The following CFAP54 variants were observed in gnomAD, a reference collection of about 807,000 sequenced individuals.
The protein encoded by CFAP54 is cilia and flagella associated protein 54.
CFAP54 carries 290 observed loss-of-function variants against 370.4 expected under a neutral mutation model. The ratio of observed to expected loss-of-function variants is 0.78; its 90% CI spans 0.71 to 0.86. The LOEUF is 0.86. Among genes scored for constraint, CFAP54 ranks in the 40% least tolerant of loss-of-function variants. CFAP54 has a pLI of 0.00. For synonymous variants in CFAP54, 1,206 were observed against 1,236.5 expected, an observed-to-expected ratio of 0.98 and a Z score of 0.52; for missense variants, 3,399 against 3,528.7, an observed-to-expected ratio of 0.96 and a Z score of 0.93.
intron 40 of CFAP54, 89 bp downstream of exon 40, chr12:96,679,841 TC>T: frequency 7.5e-7 from 1 of 1,334,472 alleles, no homozygotes; most frequent in Non-Finnish European, 1.0e-6. Flanking sequence ...CATTCTTCCC[TC>T]CCCGTGTACA....
chr12:96,685,384 AC>A (rs1957317148), intron 42 of CFAP54, 146 bp downstream of exon 42: 9 of 654,144 alleles, frequency 1.4e-5, no homozygotes, highest in Non-Finnish European at 2.4e-5. Context: ...CAGTTTATTT[AC>A]TTATTTGTGA....
intron 55 of CFAP54, among the ~76,000 whole-genome samples, chr12:96,751,864 T>C (rs1168690836): frequency 1.3e-5 from 2 of 152,084 alleles, no homozygotes; most frequent in African/African-American, 4.8e-5. Context: ...CATAACATAT[T>C]TAGAAGGGCA....
intron 46 of CFAP54, among the ~76,000 whole-genome samples, chr12:96,703,420 C>A (rs769696639): frequency 6.6e-5 from 10 of 152,118 alleles, no homozygotes; most frequent in Non-Finnish European, 1.2e-4. Flanking sequence ...TTGAGTAGGA[C>A]ACCATCTACA....
At chr12:96,544,364 T>C (rs12423627) in intron 14 of CFAP54, among the ~76,000 whole-genome samples, 23,996 of 151,800 alleles carry the variant, frequency 0.16, 3,010 homozygotes, top group East Asian at 0.51. Flanking sequence ...TTTGTTATAA[T>C]GTTGGGGCAC....
At chr12:96,521,718 C>T (rs1472400836) in intron 6 of CFAP54, 139 bp from the exon 7 acceptor site, 3 of 555,122 alleles carry the variant, frequency 5.4e-6, no homozygotes, top group African/African-American at 1.9e-5. Flanking sequence ...AAATGATAGA[C>T]TGGATAAAAG....
At chr12:96,723,165 T>A (rs1343336880) in intron 50 of CFAP54, among the ~76,000 whole-genome samples, 1 of 152,204 alleles carries the variant, frequency 6.6e-6, no homozygotes, top group Non-Finnish European at 1.5e-5. Flanking sequence ...TATATATGTC[T>A]ATTAAGCATC....
intron 56 of CFAP54, among the ~76,000 whole-genome samples, chr12:96,754,957 T>TGATCTC (rs1274990951): frequency 6.6e-6 from 1 of 152,166 alleles, no homozygotes. Flanking sequence ...TTGGCCAGGC[T>TGATCTC]GATCTCGAAC....
chr12:96,562,668 C>T (rs923254139), intron 17 of CFAP54, among the ~76,000 whole-genome samples: 14 of 151,770 alleles, frequency 9.2e-5, no homozygotes, highest in African/African-American at 2.4e-4. Context: ...TGACCTCAAA[C>T]GATCTGCCCA....
intron 39 of CFAP54, among the ~76,000 whole-genome samples, chr12:96,671,483 A>G (rs1957145810): frequency 6.6e-6 from 1 of 152,210 alleles, no homozygotes; most frequent in Non-Finnish European, 1.5e-5. Context: ...TCACAGATAT[A>G]ACCCAGTTGT....
At chr12:96,619,830 G>C (rs1239727359) in intron 26 of CFAP54, among the ~76,000 whole-genome samples, 1 of 152,072 alleles carries the variant, frequency 6.6e-6, no homozygotes, top group Non-Finnish European at 1.5e-5. Flanking sequence ...ACTTTCTTCT[G>C]CTCATATACA....
intron 67 of CFAP54, among the ~76,000 whole-genome samples, chr12:96,868,123 C>G (rs1466989363): frequency 6.6e-6 from 1 of 152,144 alleles, no homozygotes; most frequent in Admixed American, 6.5e-5. Context: ...TGGAACCTGT[C>G]CGTACCACTT....
At chr12:96,715,786 T>G (rs1957671236) in intron 48 of CFAP54, among the ~76,000 whole-genome samples, 1 of 152,222 alleles carries the variant, frequency 6.6e-6, no homozygotes. Flanking sequence ...TGTATTAATT[T>G]TAATGTAATT....
In CFAP54 at chr12:96,662,206, TTTG is replaced by T. The variant is rs529176565; in HGVS notation, c.5461-1612_5461-1610del. On this transcript the variant is annotated intron_variant, in intron 38 of 67. Transcript: ENST00000524981. Reference sequence around the variant, plus strand: ...CACTTTCAGCCTATAATATATTCTTTTTGTTGTTGTTGTTTTGAGATGGAGTCT... The same window carrying T: ...CACTTTCAGCCTATAATATATTCTTTTTGTTGTTGTTTTGAGATGGAGTCT... Among the ~76,000 whole-genome samples the T allele has an allele frequency of 2.9e-3, 439 of 152,230 alleles. 3 individuals carry two copies. The highest frequency in any genetic ancestry group is 8.5e-3 in the African/African-American group (353 of 41,532).
rs1398943109 is a variant in CFAP54 at position 96,576,721 on chromosome 12, C to A, written c.2756C>A (p.Ser919Tyr). The change falls in exon 20 of 68, where the codon TCT becomes TAT. Residue 919 changes from serine (S) to tyrosine (Y), a missense_variant. By Grantham distance (144) the Ser-to-Tyr change is moderately radical. This residue lies in a region of CFAP54 where 2,796 missense variants were observed against 2,869.7 expected (regional missense o/e 0.97). Transcript: ENST00000524981. ...ATCCTGCTGTCTCGAACTCATTGTTCTGTGACACTCAAACCTGCTCCATTT... is the reference window on the plus strand; with the variant it reads ...ATCCTGCTGTCTCGAACTCATTGTTATGTGACACTCAAACCTGCTCCATTT... ...PPILLSRTHC[S>Y]VTLKPAPFTS... 6.5e-7 allele frequency: 1 copy of A among 1,535,810 alleles called. No homozygotes were observed. Among genetic ancestry groups the A allele is most frequent in the African/African-American group, 1.4e-5 (1 of 73,096 alleles).
chr12:96,835,684 G>A (rs1271104179), intron 66 of CFAP54, among the ~76,000 whole-genome samples: 2 of 152,222 alleles, frequency 1.3e-5, no homozygotes, highest in Non-Finnish European at 2.9e-5. Context: ...GTTTACAGCT[G>A]CAGTTTGGGC....
In CFAP54 at chr12:96,489,835, GAGA is replaced by G; in HGVS notation, c.229_231del (p.Lys77del). On this transcript the variant is annotated inframe_deletion, in exon 1 of 68. Transcript: ENST00000524981. ...GAAAAACCCGCTCCTGGCCTCTTGT[GAGA>G]AGGAGATCCAGGAGTTGTTAGGCTT... 3.3e-6 allele frequency: 5 copies of G among 1,536,140 alleles called. No individual in the cohort carries two copies. Among genetic ancestry groups the G allele is most frequent in the African/African-American group, 1.4e-5 (1 of 73,176 alleles).
In CFAP54 at chr12:96,610,261, T is replaced by C. The variant is rs530478725; in HGVS notation, c.3640-11329T>C. ...GAAAGGTGCTGGTATAACTTGACTC[T>C]TCATCTGAAAGTAAACAAAGCCAGA... is the stretch of plus-strand genomic sequence containing the variant. On this transcript the variant is annotated intron_variant, in intron 26 of 67. Coordinates refer to ENST00000524981, the MANE Select transcript of CFAP54 (RefSeq NM_001306084.2). 4.6e-5 allele frequency among the ~76,000 whole-genome samples: 7 copies of C among 152,352 alleles called. No homozygotes were observed. In the East Asian group the frequency reaches 1.3e-3, roughly 29 times the overall value.
intron 36 of CFAP54, among the ~76,000 whole-genome samples, chr12:96,653,812 A>G (rs978657119): frequency 4.9e-5 from 7 of 143,682 alleles, no homozygotes; most frequent in Non-Finnish European, 1.1e-4. Flanking sequence ...AAAACAATAA[A>G]GTCAAAATTT....
chr12:96,680,584 T>C (rs1333201446), intron 40 of CFAP54, among the ~76,000 whole-genome samples: 4 of 152,194 alleles, frequency 2.6e-5, no homozygotes, highest in African/African-American at 9.6e-5. Flanking sequence ...TGAAATGATC[T>C]TTTAGAAATT....
Sources: gnomAD v4.1 joint callset for allele counts (sites outside exome capture counted in the v4.1 genomes callset) on GRCh38, gnomAD v4.1.1 for gene constraint, gnomAD v4.1.1 regional missense constraint, MANE v1.5 for transcripts, NCBI Gene and HGNC (gene_info 2026-07-23, HGNC 2026-07-21) for gene names.